Variants in C2CD2L observed in about 807,000 individuals in gnomAD.
The protein encoded by C2CD2L is C2CD2 like, also known as phospholipid transfer protein C2CD2L.
C2CD2L carries 24 observed loss-of-function variants against 69.9 expected under a neutral mutation model. The ratio of observed to expected loss-of-function variants is 0.34; its 90% CI spans 0.25 to 0.48. The LOEUF (loss-of-function observed/expected upper bound fraction) is 0.48. Among genes scored for constraint, C2CD2L ranks in the 20% least tolerant of loss-of-function variants. The pLI, the probability that C2CD2L is intolerant of heterozygous loss-of-function variation, is 0.99. For missense variants in C2CD2L, 811 were observed against 941.5 expected (o/e 0.86, Z 1.81); for synonymous variants, 367 against 391.0 (o/e 0.94, Z 0.72).
rs1946627292 is a variant in C2CD2L at position 119,107,847 on chromosome 11, G to C, written c.106G>C (p.Gly36Arg). Residue 36 changes from glycine (G) to arginine (R), a missense_variant, in exon 1 of 14, where the codon GGC becomes CGC. Gly to Arg is a moderately radical substitution (Grantham distance 125). Transcript: ENST00000648610. The surrounding 1 kb of genome is among the most constrained non-coding windows in gnomAD (Gnocchi z 5.4). ...VFAWLLQYAR[G>R]LWLARARGDR... is the part of the protein sequence containing the mutation. ...CGCCTGGCTGCTGCAATATGCCCGG[G>C]GCTTGTGGCTGGCGCGGGCCCGCGG... The C allele has an allele frequency of 6.5e-7, 1 of 1,544,722 alleles. No homozygotes were observed. The highest frequency in any genetic ancestry group is 1.4e-5 in the African/African-American group (1 of 69,996).
In C2CD2L at chr11:119,110,964, A is replaced by G. The variant is rs773213286; in HGVS notation, c.681+7A>G. On this transcript the variant is annotated splice_region_variant and intron_variant, in intron 4 of 13. Transcript: ENST00000648610. The surrounding 1 kb of genome is among the most constrained non-coding windows in gnomAD (Gnocchi z 5.7). ...CAAGCTTCAGGCCAGGGAGGTAAGGAGGCAGAGCTGGCAGAGAAGAGGCAG... is the reference window on the plus strand; with the variant it reads ...CAAGCTTCAGGCCAGGGAGGTAAGGGGGCAGAGCTGGCAGAGAAGAGGCAG... 1 of 1,613,926 alleles carries G rather than the reference A, an allele frequency of 6.2e-7. No homozygotes were observed. The highest frequency in any genetic ancestry group is 8.5e-7 in the Non-Finnish European group (1 of 1,179,932).
At chr11:119,102,275 A>C (rs1417383813), upstream of C2CD2L, 1 of 476,960 alleles carries the variant, frequency 2.1e-6, no homozygotes, top group East Asian at 7.0e-5. Context: ...GGCTCCAGGA[A>C]GATGGCTATT....
chr11:119,110,890 T>C lies in C2CD2L; in HGVS notation c.614T>C (p.Ile205Thr). 6.2e-7 allele frequency: 1 copy of C among 1,614,158 alleles called. No individual in the cohort carries two copies. Among genetic ancestry groups the C allele is most frequent in the Non-Finnish European group, 8.5e-7 (1 of 1,180,004 alleles). Reference protein sequence around the residue: ...LEEIPGEGLLISWAFTDRPDL... With the variant: ...LEEIPGEGLLTSWAFTDRPDL... ...GAAATCCCTGGTGAGGGGCTGCTCATATCCTGGGCCTTCACTGATCGCCCA... is the reference window on the plus strand; with the variant it reads ...GAAATCCCTGGTGAGGGGCTGCTCACATCCTGGGCCTTCACTGATCGCCCA... Residue 205 changes from isoleucine (I) to threonine (T), a missense_variant, in exon 4 of 14, where the codon ATA becomes ACA. Physicochemically the swap from Ile to Thr is moderately conservative, Grantham distance 89. Transcript: ENST00000648610. The surrounding 1 kb of genome is among the most constrained non-coding windows in gnomAD (Gnocchi z 5.7).
chr11:119,114,226 C>T lies in C2CD2L; in HGVS notation c.1770C>T (p.Ala590=), dbSNP rs1946828203. The change falls in exon 13 of 14, where the codon GCC becomes GCT. Residue 590 remains alanine (A), a synonymous_variant. Coordinates refer to ENST00000648610, the MANE Select transcript of C2CD2L (RefSeq NM_001290474.2). The surrounding 1 kb of genome is among the most constrained non-coding windows in gnomAD (Gnocchi z 5.1). ...PPAMSPGPLD[A]LSSPTSVQEA... Reference sequence around the variant, plus strand: ...CCATGTCTCCAGGACCGCTAGATGCCCTCTCTAGTCCCACAAGTGTCCAGG... The same window carrying T: ...CCATGTCTCCAGGACCGCTAGATGCTCTCTCTAGTCCCACAAGTGTCCAGG... The T allele has an allele frequency of 6.2e-7, 1 of 1,614,164 alleles. No homozygotes were observed. The highest frequency in any genetic ancestry group is 2.2e-5 in the East Asian group (1 of 44,882).
At chr11:119,103,686 A>G (rs937378097), upstream of C2CD2L, among the ~76,000 whole-genome samples, 1 of 19,670 alleles carries the variant, frequency 5.1e-5, no homozygotes, top group African/African-American at 2.2e-4. Flanking sequence ...AACAGAGGGG[A>G]AACTGTCTCA....
rs1183884049 is a variant in C2CD2L at position 119,117,769 on chromosome 11, A to T, written c.*1513A>T. ...GGACTTGAACCAGGTAAGCTGCTAC[A>T]GGATATTGGGCAGAATGCAGGACCA... On this transcript the variant is annotated 3_prime_UTR_variant, in exon 14 of 14. Coordinates refer to ENST00000648610, the MANE Select transcript of C2CD2L (RefSeq NM_001290474.2). 6.6e-6 allele frequency: 1 copy of T among 152,220 alleles called. No homozygotes were observed. The highest frequency in any genetic ancestry group is 1.5e-5 in the Non-Finnish European group (1 of 68,040). 9.4% of individuals were successfully genotyped at this position (152,220 alleles called of 1,614,324 possible).
intron 7 of C2CD2L, 24 bp from the exon 8 acceptor site, chr11:119,112,304 G>C (rs1430009876): frequency 6.2e-7 from 1 of 1,606,488 alleles, no homozygotes; most frequent in Non-Finnish European, 8.5e-7. Context: ...TCTCCTTCCT[G>C]CCCCATCTCC....
Position 119,111,061 on chromosome 11 carries a change from G to A in C2CD2L, c.691G>A (p.Glu231Lys). Reference sequence around the variant, plus strand: ...CTTCTTCTCTCTGCAGAGAGGTGAAGAACAAGTGGAGCTCTCCACAATTGA... The same window carrying A: ...CTTCTTCTCTCTGCAGAGAGGTGAAAAACAAGTGGAGCTCTCCACAATTGA... ...PKLQARERGE[E>K]QVELSTIEEL... Residue 231 changes from glutamate (E) to lysine (K), a missense_variant, in exon 5 of 14, where the codon GAA becomes AAA. Physicochemically the swap from Glu to Lys is moderately conservative, Grantham distance 56. Transcript: ENST00000648610. The A allele has an allele frequency of 6.2e-7, 1 of 1,614,058 alleles. No individual in the cohort carries two copies. The highest frequency in any genetic ancestry group is 1.1e-5 in the South Asian group (1 of 91,072).
chr11:119,108,181 G>A, intron 1 of C2CD2L, 86 bp downstream of exon 1: 1 of 885,348 alleles, frequency 1.1e-6, no homozygotes, highest in South Asian at 1.7e-5. Flanking sequence ...GGCCAGACGA[G>A]GGTGGGCATA....
chr11:119,102,982 C>T (rs1273582107), upstream of C2CD2L, among the ~76,000 whole-genome samples: 4 of 145,764 alleles, frequency 2.7e-5, no homozygotes, highest in Non-Finnish European at 5.9e-5. Context: ...AAGAGATTCT[C>T]CTGCCTCAGC....
At chr11:119,112,934 G>A in intron 10 of C2CD2L, 60 bp downstream of exon 10, 1 of 1,425,404 alleles carries the variant, frequency 7.0e-7, no homozygotes, top group Non-Finnish European at 9.7e-7. Flanking sequence ...GCAGACCCAA[G>A]GCAGGACAGT....
rs923821011 is a variant in C2CD2L at position 119,110,889 on chromosome 11, A to G, written c.613A>G (p.Ile205Val). 6 of 1,614,056 alleles carry G rather than the reference A, an allele frequency of 3.7e-6. No homozygotes were observed. Among genetic ancestry groups the G allele is most frequent in the African/African-American group, 1.3e-5 (1 of 74,926 alleles). ...LEEIPGEGLL[I>V]SWAFTDRPDL... The stretch of plus-strand genomic sequence containing the variant: ...GGAAATCCCTGGTGAGGGGCTGCTC[A>G]TATCCTGGGCCTTCACTGATCGCCC... The change falls in exon 4 of 14, where the codon ATA (isoleucine) becomes GTA (valine). Residue 205 changes from isoleucine to valine, a missense_variant. Physicochemically the swap from Ile to Val is conservative, Grantham distance 29 (BLOSUM62 3). Coordinates refer to ENST00000648610, the MANE Select transcript of C2CD2L (RefSeq NM_001290474.2). The surrounding 1 kb of genome is among the most constrained non-coding windows in gnomAD (Gnocchi z 5.7).
At chr11:119,112,458 T>C (rs773572036) in intron 8 of C2CD2L, 24 bp from the exon 9 acceptor site, 1 of 1,613,724 alleles carries the variant, frequency 6.2e-7, no homozygotes, top group Non-Finnish European at 8.5e-7. Flanking sequence ...TGGGCCCAGC[T>C]CACAGTGCCA....
rs1213040103 is a variant in C2CD2L at position 119,116,144 on chromosome 11, C to T, written c.2009C>T (p.Thr670Met). Reference protein sequence around the residue: ...SQSHDDLSNATATPSVRKKAG... With the variant: ...SQSHDDLSNAMATPSVRKKAG... ...TCACACGATGACCTCTCCAACGCAACGGCCACGCCCAGTGTCCGAAAGAAG... is the reference window on the plus strand; with the variant it reads ...TCACACGATGACCTCTCCAACGCAATGGCCACGCCCAGTGTCCGAAAGAAG... The change falls in exon 14 of 14, where the codon ACG (threonine) becomes ATG (methionine). Residue 670 changes from threonine (T) to methionine (M), a missense_variant. Coordinates refer to ENST00000648610, the MANE Select transcript of C2CD2L (RefSeq NM_001290474.2). 3 of 1,614,250 alleles carry T rather than the reference C, an allele frequency of 1.9e-6. No individual in the cohort carries two copies. The highest frequency in any genetic ancestry group is 2.5e-6 in the Non-Finnish European group (3 of 1,180,034).
upstream of C2CD2L, chr11:119,102,314 A>C: frequency 2.1e-6 from 1 of 471,774 alleles, no homozygotes; most frequent in South Asian, 1.5e-5. Context: ...AGGAGGGACG[A>C]GGGTGTGGAG....
chr11:119,112,550 T>C lies in C2CD2L; in HGVS notation c.1153T>C (p.Cys385Arg). 1 of 1,613,372 alleles carries C rather than the reference T, an allele frequency of 6.2e-7. No individual in the cohort carries two copies. The highest frequency in any genetic ancestry group is 8.5e-7 in the Non-Finnish European group (1 of 1,179,816). The change falls in exon 9 of 14, where the codon TGC becomes CGC. Residue 385 changes from cysteine to arginine, a missense_variant. Transcript: ENST00000648610. ...PSRPLSRRQL[C>R]PLTPGPGKAL... The stretch of plus-strand genomic sequence containing the variant: ...CAGACCACTGTCTCGAAGACAGTTG[T>C]GCCCACTCACCCCAGGGCCAGGGAA...
rs1176509898 is a variant in C2CD2L at position 119,107,656 on chromosome 11, C to G, written c.-86C>G. The G allele has an allele frequency of 2.4e-6, 2 of 830,196 alleles. No homozygotes were observed. The highest frequency in any genetic ancestry group is 3.4e-6 in the Non-Finnish European group (2 of 595,336). 51.4% of individuals were successfully genotyped at this position (830,196 alleles called of 1,614,324 possible). ...CGCGCCCAGCCCCGGGGGAGCCCACCTCCTCCCCGCGGCCCGCCCGGGCCA... is the reference window on the plus strand; with the variant it reads ...CGCGCCCAGCCCCGGGGGAGCCCACGTCCTCCCCGCGGCCCGCCCGGGCCA... On this transcript the variant is annotated 5_prime_UTR_variant, in exon 1 of 14. Coordinates refer to ENST00000648610, the MANE Select transcript of C2CD2L (RefSeq NM_001290474.2). The surrounding 1 kb of genome is among the most constrained non-coding windows in gnomAD (Gnocchi z 5.4).
At position 119,108,005 on chromosome 11, in the gene C2CD2L, C is replaced by T. The variant is rs1378309409; in HGVS notation, c.264C>T (p.Leu88=). ...CCGAGGAGCCAGGAGTCCGGGGCCT[C>T]CTGGCGTCACTCTTCGCCTTCAAGT... The part of the protein sequence containing the change: ...GAAEEPGVRG[L]LASLFAFKSF... The change falls in exon 1 of 14, where the codon CTC becomes CTT. Residue 88 remains leucine (L), a synonymous_variant. Coordinates refer to ENST00000648610, the MANE Select transcript of C2CD2L (RefSeq NM_001290474.2). 1 of 1,591,206 alleles carries T rather than the reference C, an allele frequency of 6.3e-7. No individual in the cohort carries two copies. The highest frequency in any genetic ancestry group is 8.5e-7 in the Non-Finnish European group (1 of 1,171,338).
At position 119,112,370 on chromosome 11, in the gene C2CD2L, G is replaced by A; in HGVS notation, c.1062G>A (p.Leu354=). 1 of 1,613,678 alleles carries A rather than the reference G, an allele frequency of 6.2e-7. No individual in the cohort carries two copies. The change falls in exon 8 of 14, where the codon CTG becomes CTA. Residue 354 remains leucine, a synonymous_variant. Coordinates refer to ENST00000648610, the MANE Select transcript of C2CD2L (RefSeq NM_001290474.2). ...PQSRELTLKV[L]RSSSCGDTEL... ...GCCGGGAGCTGACCCTCAAAGTGCT[G>A]AGGAGCAGCAGCTGTGGAGACAGTA...
Sources: allele counts gnomAD v4.1 joint callset (sites outside exome capture counted in the v4.1 genomes callset), GRCh38; gene constraint gnomAD v4.1.1; non-coding constraint Gnocchi (gnomAD v3.1); transcripts MANE v1.5; gene names NCBI Gene and HGNC (gene_info 2026-07-23, HGNC 2026-07-21).